RNF13: variants seen among roughly 807,000 people sequenced by gnomAD.
RNF13 encodes E3 ubiquitin-protein ligase RNF13.
A neutral mutation model predicts 37.7 loss-of-function variants in RNF13; 19 were observed. That is an observed-to-expected ratio of 0.50 (90% CI 0.35 to 0.74). The LOEUF is 0.74. Among genes scored for constraint, RNF13 ranks in the 30% least tolerant of loss-of-function variants. RNF13 has a pLI of 0.01. For synonymous variants in RNF13, 144 were observed against 157.8 expected (o/e 0.91, Z 0.65); for missense variants, 375 against 453.0 (o/e 0.83, Z 1.56).
rs144195271 is a variant in RNF13, at chr3:149,848,374, C to T, written c.114+2234C>T. Among the ~76,000 whole-genome samples the T allele has an allele frequency of 9.9e-5, 15 of 152,114 alleles. No individual in the cohort carries two copies. The South Asian group carries it at 2.3e-3, about 23-fold the overall frequency. ...TGTCCATAAGGATAGAAGGCTGACA[C>T]GAATGCAAAGATGGCTGGAGGGGAG... On this transcript the variant is annotated intron_variant, in intron 2 of 9. Transcript: ENST00000392894.
At chr3:149,940,299 A>G (rs907618907) in intron 8 of RNF13, among the ~76,000 whole-genome samples, 1 of 152,146 alleles carries the variant, frequency 6.6e-6, no homozygotes, top group African/African-American at 2.4e-5. Context: ...CAAGTTCCCA[A>G]TAATAACAAA....
chr3:149,849,039 A>G (rs905804790), intron 2 of RNF13, among the ~76,000 whole-genome samples: 8 of 152,310 alleles, frequency 5.3e-5, no homozygotes, highest in African/African-American at 1.7e-4. Flanking sequence ...TTTTAATAGC[A>G]TCTGTTCCTT....
At chr3:149,837,182 A>T (rs1721708470) in intron 1 of RNF13, among the ~76,000 whole-genome samples, 2 of 152,230 alleles carry the variant, frequency 1.3e-5, no homozygotes, top group African/African-American at 4.8e-5. Context: ...AGGCCTTCTG[A>T]AAAGATCACT....
At chr3:149,839,799 C>T (rs929278984) in intron 1 of RNF13, among the ~76,000 whole-genome samples, 6 of 152,216 alleles carry the variant, frequency 3.9e-5, no homozygotes, top group South Asian at 4.1e-4. Flanking sequence ...GCCATATTTC[C>T]GTTGTCTCCA....
At chr3:149,928,004 C>CTTT (rs766839142) in intron 8 of RNF13, among the ~76,000 whole-genome samples, 32 of 111,216 alleles carry the variant, frequency 2.9e-4, no homozygotes, top group African/African-American at 6.5e-4. Flanking sequence ...AAGCAAAAAC[C>CTTT]TTTTTTTTTT....
chr3:149,956,815 C>T (rs1721911207), intron 8 of RNF13, among the ~76,000 whole-genome samples: 1 of 152,150 alleles, frequency 6.6e-6, no homozygotes, highest in African/African-American at 2.4e-5. Context: ...GAGGGTTTCT[C>T]ACCCTCAGCA....
intron 1 of RNF13, among the ~76,000 whole-genome samples, chr3:149,818,331 CT>C (rs1417907284): frequency 1.3e-5 from 2 of 152,068 alleles, no homozygotes; most frequent in Admixed American, 6.6e-5. Context: ...GTATTTGTAC[CT>C]ATTTAAGCAG....
rs1228542957 is a variant in RNF13 at position 149,840,344 on chromosome 3, T to C, written c.-16-5667T>C. Among the ~76,000 whole-genome samples, 25 of 152,202 alleles carry C rather than the reference T, an allele frequency of 1.6e-4. 1 individual carries two copies. On this transcript the variant is annotated intron_variant, in intron 1 of 9. Transcript: ENST00000392894. ...TATTCTCTACTTTGAACTTTCTTCCTTTGAAGAAGTGTGACTTTTTTTATT... is the reference window on the plus strand; with the variant it reads ...TATTCTCTACTTTGAACTTTCTTCCCTTGAAGAAGTGTGACTTTTTTTATT...
chr3:149,894,092 G>A (rs1389602511), intron 4 of RNF13, among the ~76,000 whole-genome samples: 1 of 152,132 alleles, frequency 6.6e-6, no homozygotes, highest in Non-Finnish European at 1.5e-5. Context: ...CTATTTCATA[G>A]GTGCTATGGA....
intron 1 of RNF13, among the ~76,000 whole-genome samples, chr3:149,817,769 A>G (rs897762321): frequency 1.3e-5 from 2 of 152,200 alleles, no homozygotes; most frequent in African/African-American, 2.4e-5. Context: ...TTAATATATG[A>G]AAAGGGTCTG....
At chr3:149,865,975 C>T (rs543363915) in intron 3 of RNF13, among the ~76,000 whole-genome samples, 2 of 152,256 alleles carry the variant, frequency 1.3e-5, no homozygotes, top group East Asian at 1.9e-4. Context: ...GCCCAGAGGG[C>T]TCCTGGTTGG....
rs1048354134 is a variant in RNF13 at position 149,852,465 on chromosome 3, A to G, written c.115-51A>G. 3 of 734,102 alleles carry G rather than the reference A, an allele frequency of 4.1e-6. No individual in the cohort carries two copies. The African/African-American group carries it at 5.5e-5, about 13-fold the overall frequency. 45.5% of individuals were successfully genotyped at this position (734,102 alleles called of 1,614,324 possible). A position where few individuals can be genotyped will look rare whatever the true frequency, so the allele number is the denominator to read the frequency against. On this transcript the variant is annotated intron_variant, in intron 2 of 9. Coordinates refer to ENST00000392894, the MANE Select transcript of RNF13 (RefSeq NM_183381.3). ...ATAATTAAATAAGTCTTTGTTTTTA[A>G]TGTTATATATAAATTGGTCTTAACT...
At chr3:149,847,059 C>T (rs1165175837) in intron 2 of RNF13, among the ~76,000 whole-genome samples, 4 of 152,096 alleles carry the variant, frequency 2.6e-5, no homozygotes, top group Non-Finnish European at 4.4e-5. Flanking sequence ...AGTGAGCTTT[C>T]GACTTTATGA....
intron 4 of RNF13, among the ~76,000 whole-genome samples, chr3:149,878,710 T>C (rs2108455659): frequency 6.6e-6 from 1 of 152,362 alleles, no homozygotes; most frequent in African/African-American, 2.4e-5. Context: ...CTCAAAAAGA[T>C]GATCATAGCT....
rs142911582 is a variant in RNF13, at chr3:149,823,465, A to T, written c.-17+10112A>T. Among the ~76,000 whole-genome samples the T allele has an allele frequency of 1.9e-3, 291 of 152,322 alleles. 2 individuals carry two copies. Among genetic ancestry groups the T allele is most frequent in the African/African-American group, 6.9e-3 (285 of 41,582 alleles). On this transcript the variant is annotated intron_variant, in intron 1 of 9. Transcript: ENST00000392894. ...TAAATAGGAATGTTCTTTTCTGGAAAGCAATTGGGCAATATGTATGAAGTC... is the reference window on the plus strand; with the variant it reads ...TAAATAGGAATGTTCTTTTCTGGAATGCAATTGGGCAATATGTATGAAGTC...
intron 8 of RNF13, among the ~76,000 whole-genome samples, chr3:149,932,642 A>G (rs1719277235): frequency 6.6e-6 from 1 of 152,204 alleles, no homozygotes; most frequent in African/African-American, 2.4e-5. Flanking sequence ...TAAAGCTCCA[A>G]CATAATCTTT....
intron 1 of RNF13, among the ~76,000 whole-genome samples, chr3:149,840,618 A>T (rs946161338): frequency 1.3e-5 from 2 of 152,106 alleles, no homozygotes; most frequent in African/African-American, 4.8e-5. Flanking sequence ...CCATGCAGAG[A>T]CTCCAACAGT....
Position 149,869,463 on chromosome 3 carries a change from G to A in RNF13, c.196-2566G>A, listed in dbSNP as rs367707218. On this transcript the variant is annotated intron_variant, in intron 3 of 9. Coordinates refer to ENST00000392894, the MANE Select transcript of RNF13 (RefSeq NM_183381.3). ...TACTAAAAAATACAAAAAATTAGCC[G>A]GGCGTAGTGGCGGGCGCCTGTAGTC... 5.9e-5 allele frequency among the ~76,000 whole-genome samples: 9 copies of A among 151,610 alleles called. 1 individual carries two copies. Among genetic ancestry groups the A allele is most frequent in the African/African-American group, 4.8e-5 (2 of 41,388 alleles).
intron 8 of RNF13, among the ~76,000 whole-genome samples, chr3:149,929,149 G>A (rs1718936689): frequency 6.6e-6 from 1 of 152,160 alleles, no homozygotes; most frequent in Admixed American, 6.5e-5. Flanking sequence ...CCAAGACTGG[G>A]TAATTTATAA....
Sources: allele counts gnomAD v4.1 joint callset (sites outside exome capture counted in the v4.1 genomes callset), GRCh38; gene constraint gnomAD v4.1.1; transcripts MANE v1.5; gene names NCBI Gene and HGNC (gene_info 2026-07-23, HGNC 2026-07-21).